Variants in NAALADL2 observed in about 807,000 individuals in gnomAD.
NAALADL2 encodes inactive N-acetylated-alpha-linked acidic dipeptidase-like protein 2.
NAALADL2 carries 76 observed loss-of-function variants against 87.2 expected under a neutral mutation model. That is an observed-to-expected ratio of 0.87 (90% CI 0.72 to 1.05). NAALADL2 has a LOEUF of 1.05. Among genes scored for constraint, NAALADL2 ranks in the 50% least tolerant of loss-of-function variants. The pLI is 0.00. For synonymous variants in NAALADL2, 354 were observed against 331.0 expected (o/e 1.07, Z -0.75); for missense variants, 1,089 against 945.8 (o/e 1.15, Z -1.99).
chr3:175,593,520 G>C (rs966094311), intron 10 of NAALADL2, among the ~76,000 whole-genome samples: 17 of 152,130 alleles, frequency 1.1e-4, no homozygotes, highest in Non-Finnish European at 5.9e-5. Flanking sequence ...ACTTAAACAA[G>C]AGAAATTTAT....
intron 2 of NAALADL2, among the ~76,000 whole-genome samples, chr3:174,672,375 A>C (rs1408894490): frequency 6.6e-6 from 1 of 152,076 alleles, no homozygotes; most frequent in Non-Finnish European, 1.5e-5. Context: ...TACTGATCTA[A>C]TCAACATTCA....
intron 3 of NAALADL2, chr3:175,242,557 A>G (rs376017002): frequency 6.6e-6 from 1 of 152,186 alleles, no homozygotes; most frequent in Non-Finnish European, 1.5e-5. Flanking sequence ...CCTTCAATAC[A>G]CTTACCTCAA....
chr3:175,048,409 G>A (rs949944883), intron 1 of NAALADL2, among the ~76,000 whole-genome samples: 2 of 152,114 alleles, frequency 1.3e-5, no homozygotes, highest in African/African-American at 4.8e-5. Context: ...GTGTTGTGAT[G>A]ACAGTGAGAT....
At chr3:174,975,294 TAGG>T (rs1446804666) in intron 1 of NAALADL2, among the ~76,000 whole-genome samples, 2 of 152,248 alleles carry the variant, frequency 1.3e-5, no homozygotes, top group East Asian at 3.9e-4. Flanking sequence ...ATTATGTTAT[TAGG>T]AGAACTAATA....
At chr3:175,231,425 GAAGTA>G (rs1206213212) in intron 2 of NAALADL2, among the ~76,000 whole-genome samples, 1 of 152,040 alleles carries the variant, frequency 6.6e-6, no homozygotes, top group African/African-American at 2.4e-5. Context: ...AATTAAAAGT[GAAGTA>G]AAGACTGTAT....
At chr3:175,258,124 T>C (rs749043916) in intron 4 of NAALADL2, among the ~76,000 whole-genome samples, 42 of 151,972 alleles carry the variant, frequency 2.8e-4, no homozygotes, top group African/African-American at 7.5e-4. Context: ...TTGGCCAACA[T>C]GGTGAAACCC....
At chr3:174,831,690 T>C (rs958485697) in intron 3 of NAALADL2, among the ~76,000 whole-genome samples, 3 of 151,166 alleles carry the variant, frequency 2.0e-5, no homozygotes, top group African/African-American at 7.3e-5. Flanking sequence ...ATGGTACCAG[T>C]TCCTCCTTGT....
At chr3:175,549,619 G>A (rs190661528) in intron 9 of NAALADL2, among the ~76,000 whole-genome samples, 4 of 151,980 alleles carry the variant, frequency 2.6e-5, no homozygotes, top group East Asian at 1.9e-4. Context: ...ATAAGACATA[G>A]AACATTCTGT....
At chr3:175,364,921 A>G (rs1444856807) in intron 5 of NAALADL2, among the ~76,000 whole-genome samples, 1 of 147,714 alleles carries the variant, frequency 6.8e-6, no homozygotes, top group Admixed American at 6.9e-5. Flanking sequence ...TGTTTTACTT[A>G]TATTCTCTAT....
At chr3:175,542,605 C>T (rs1459949376) in intron 9 of NAALADL2, among the ~76,000 whole-genome samples, 1 of 152,056 alleles carries the variant, frequency 6.6e-6, no homozygotes, top group African/African-American at 2.4e-5. Context: ...AGTGATCCAC[C>T]CACCTCGGCC....
chr3:175,112,660 A>T (rs1724395997), intron 2 of NAALADL2: 1 of 151,686 alleles, frequency 6.6e-6, no homozygotes, highest in Admixed American at 6.6e-5. Context: ...ATTATTAATA[A>T]TTTAGTTGAA....
At chr3:175,300,662 T>C (rs55966731) in intron 4 of NAALADL2, among the ~76,000 whole-genome samples, 11,268 of 151,910 alleles carry the variant, frequency 0.074, 1,367 homozygotes, top group African/African-American at 0.26. Flanking sequence ...ATTGTGTCTA[T>C]TTGATTGTTC....
chr3:175,231,885 GT>G (rs1219865828), intron 2 of NAALADL2, among the ~76,000 whole-genome samples: 2 of 152,096 alleles, frequency 1.3e-5, no homozygotes, highest in African/African-American at 4.8e-5. Context: ...TTTTAACTCA[GT>G]TTACCTGCTC....
At chr3:175,242,095 C>T (rs1379757519) in intron 3 of NAALADL2, among the ~76,000 whole-genome samples, 3 of 151,532 alleles carry the variant, frequency 2.0e-5, no homozygotes, top group Admixed American at 6.6e-5. Context: ...CTCCTGACCT[C>T]GTGATCCGCC....
intron 4 of NAALADL2, among the ~76,000 whole-genome samples, chr3:175,313,506 T>C (rs1758648765): frequency 6.6e-6 from 1 of 152,210 alleles, no homozygotes; most frequent in Admixed American, 6.5e-5. Flanking sequence ...CAAGTGGTAG[T>C]TCAGGATGCC....
At chr3:175,046,293 G>C (rs1754659656) in intron 1 of NAALADL2, among the ~76,000 whole-genome samples, 1 of 152,068 alleles carries the variant, frequency 6.6e-6, no homozygotes, top group Admixed American at 6.6e-5. Flanking sequence ...CTTTTAATAA[G>C]ATGCTAGTGA....
intron 13 of NAALADL2, among the ~76,000 whole-genome samples, chr3:175,788,686 G>A (rs1752409796): frequency 1.3e-5 from 2 of 152,162 alleles, no homozygotes; most frequent in South Asian, 4.1e-4. Flanking sequence ...ATATATGACT[G>A]TAGTTTAATT....
rs145139721 is a variant in NAALADL2, at chr3:175,532,335, AG to A, written c.1654-43705del. On this transcript the variant is annotated intron_variant, in intron 9 of 13. Coordinates refer to ENST00000454872, the MANE Select transcript of NAALADL2 (RefSeq NM_207015.3). ...CACAGTTATGCTGGTAAAAGGCCTG[AG>A]TTGTCCTTGGGGGAAAATGTGAGAA... 5.2e-3 allele frequency among the ~76,000 whole-genome samples: 787 copies of A among 152,290 alleles called. 3 individuals carry two copies. The highest frequency in any genetic ancestry group is 0.017 in the African/African-American group (688 of 41,552).
intron 1 of NAALADL2, among the ~76,000 whole-genome samples, chr3:174,928,143 G>T (rs977465219): frequency 1.4e-4 from 21 of 152,150 alleles, no homozygotes; most frequent in African/African-American, 4.1e-4. Flanking sequence ...ATTGATGCTT[G>T]AATTCATTCA....
Sources: allele counts gnomAD v4.1 joint callset (sites outside exome capture counted in the v4.1 genomes callset), GRCh38; gene constraint gnomAD v4.1.1; transcripts MANE v1.5; gene names NCBI Gene and HGNC (gene_info 2026-07-23, HGNC 2026-07-21).